Variants in PRPSAP2 observed in about 807,000 individuals in gnomAD.
PRPSAP2 encodes phosphoribosyl pyrophosphate synthetase associated protein 2.
PRPSAP2 carries 24 observed loss-of-function variants against 40.6 expected under a neutral mutation model. That is an observed-to-expected ratio of 0.59 (90% CI 0.43 to 0.83). The LOEUF (loss-of-function observed/expected upper bound fraction) is 0.83. PRPSAP2 is among the 40% of genes least tolerant of loss of function. The pLI is 0.00. For synonymous variants in PRPSAP2, 149 were observed against 164.7 expected, an observed-to-expected ratio of 0.90 and a Z score of 0.73; for missense variants, 292 against 465.6, an observed-to-expected ratio of 0.63 and a Z score of 3.43.
At chr17:18,908,491 C>T in intron 8 of PRPSAP2, 1 of 760,000 alleles carries the variant, frequency 1.3e-6, no homozygotes, top group South Asian at 1.4e-5. Flanking sequence ...CCGGCAACGT[C>T]AAGCTCCTGA....
chr17:18,882,450 GC>G, intron 6 of PRPSAP2, 117 bp from the exon 7 acceptor site: 1 of 684,634 alleles, frequency 1.5e-6, no homozygotes, highest in Non-Finnish European at 2.6e-6. Context: ...GTTCAAGGCT[GC>G]AGTTAGCTAT....
At chr17:18,891,496 A>G (rs1179924024) in intron 8 of PRPSAP2, among the ~76,000 whole-genome samples, 4 of 152,254 alleles carry the variant, frequency 2.6e-5, no homozygotes, top group Non-Finnish European at 5.9e-5. Context: ...TAAACATTTC[A>G]AATAGCTTTT....
At chr17:18,918,837 A>G (rs2041520011) in intron 9 of PRPSAP2, among the ~76,000 whole-genome samples, 1 of 152,226 alleles carries the variant, frequency 6.6e-6, no homozygotes, top group Non-Finnish European at 1.5e-5. Flanking sequence ...TAATGTAAGT[A>G]TCTCATTAGT....
rs751551864 is a variant in PRPSAP2, at chr17:18,923,945, G to A, written c.765G>A (p.Thr255=). The part of the protein sequence containing the change: ...MLIPKEKPPI[T]VVGDVGGRIA... ...TTCCTAAAGAAAAGCCCCCAATCAC[G>A]GTTGTGGGTGATGTTGGAGGAAGGA... The change falls in exon 10 of 12, where the codon ACG becomes ACA. Residue 255 remains threonine (T), a synonymous_variant. Transcript: ENST00000268835. 3.7e-6 allele frequency: 6 copies of A among 1,613,590 alleles called. No individual in the cohort carries two copies. Among genetic ancestry groups the A allele is most frequent in the East Asian group, 2.2e-5 (1 of 44,900 alleles).
intron 6 of PRPSAP2, 112 bp downstream of exon 6, chr17:18,877,982 C>T (rs1158999706): frequency 5.9e-6 from 7 of 1,184,218 alleles, no homozygotes; most frequent in Non-Finnish European, 7.0e-6. Flanking sequence ...AGTGTAGTGG[C>T]GTGATCATAG....
chr17:18,891,509 A>G lies in PRPSAP2; in HGVS notation c.584+1632A>G, dbSNP rs532260516. On this transcript the variant is annotated intron_variant, in intron 8 of 11. Transcript: ENST00000268835. ...TGTAAACATTTCAAATAGCTTTTCC[A>G]AACATTTCTTCAAAGGCTGAATTAA... Among the ~76,000 whole-genome samples the G allele has an allele frequency of 2.0e-5, 3 of 152,378 alleles. No individual in the cohort carries two copies. The East Asian group carries it at 5.8e-4, about 29-fold the overall frequency.
At chr17:18,922,668 ATTTTTTT>A (rs57263191) in intron 9 of PRPSAP2, among the ~76,000 whole-genome samples, 16 of 89,824 alleles carry the variant, frequency 1.8e-4, no homozygotes, top group South Asian at 3.7e-4. Context: ...TATATATATA[ATTTTTTT>A]TTTTTTTTTT....
At chr17:18,892,766 G>A (rs1296159839) in intron 8 of PRPSAP2, among the ~76,000 whole-genome samples, 4 of 116,918 alleles carry the variant, frequency 3.4e-5, no homozygotes, top group East Asian at 2.5e-4. Context: ...ACAGAGTCTC[G>A]CTCTGTCACC....
intron 7 of PRPSAP2, among the ~76,000 whole-genome samples, chr17:18,886,929 CTTTTTTTTTTTTTT>C (rs71155365): frequency 2.7e-5 from 2 of 75,384 alleles, no homozygotes; most frequent in Non-Finnish European, 4.8e-5. Context: ...TTCTTTTCTT[CTTTTTTTTTTTTTT>C]TTTTTTTTTT....
intron 8 of PRPSAP2, 129 bp from the exon 9 acceptor site, chr17:18,910,974 A>T (rs549581358): frequency 7.8e-6 from 9 of 1,147,004 alleles, no homozygotes; most frequent in Non-Finnish European, 8.1e-6. Context: ...AGGCTGTTTT[A>T]TTCTCTCTTT....
At chr17:18,916,498 C>G (rs2151961122) in intron 9 of PRPSAP2, among the ~76,000 whole-genome samples, 1 of 151,990 alleles carries the variant, frequency 6.6e-6, no homozygotes, top group East Asian at 1.9e-4. Context: ...TCTCCTGCCT[C>G]AGCCTCCTGA....
chr17:18,924,240 A>G (rs1046742692), intron 10 of PRPSAP2, among the ~76,000 whole-genome samples: 12 of 152,090 alleles, frequency 7.9e-5, no homozygotes, highest in Non-Finnish European at 1.8e-4. Flanking sequence ...GGGTTTCACC[A>G]TGTTGGCCAG....
chr17:18,899,647 G>A (rs927520522), intron 8 of PRPSAP2, among the ~76,000 whole-genome samples: 10 of 139,734 alleles, frequency 7.2e-5, no homozygotes, highest in East Asian at 4.6e-4. Context: ...TCCCACATCC[G>A]CCTCCCAAGA....
chr17:18,918,366 G>A (rs1260119958), intron 9 of PRPSAP2, among the ~76,000 whole-genome samples: 3 of 152,200 alleles, frequency 2.0e-5, no homozygotes, highest in Non-Finnish European at 2.9e-5. Flanking sequence ...GAGCCCTCAG[G>A]ACCCAGCACT....
Position 18,865,828 on chromosome 17 carries a change from GT to G in PRPSAP2, c.-2del. On this transcript the variant is annotated 5_prime_UTR_variant, in exon 3 of 12. Transcript: ENST00000268835. ...CTCTGAAAATTGGAAAACCAAGAAG[GT>G]TTTGATGTTTTGTGTGACGCCACCT... The G allele has an allele frequency of 6.7e-7, 1 of 1,484,214 alleles. No homozygotes were observed. Among genetic ancestry groups the G allele is most frequent in the Non-Finnish European group, 9.1e-7 (1 of 1,102,830 alleles). The allele number at this position is 1,484,214 out of a possible 1,614,324, so 91.9% of individuals were successfully genotyped here.
At position 18,888,745 on chromosome 17, in the gene PRPSAP2, G is replaced by T. The variant is rs1431905080; in HGVS notation, c.529-1077G>T. The stretch of plus-strand genomic sequence containing the variant: ...CCTCCCGGACGGGGCGGCTGGCCGG[G>T]CGGGGGGCTGACCCCCCCACCTCCC... On this transcript the variant is annotated intron_variant, in intron 7 of 11. Transcript: ENST00000268835. Among the ~76,000 whole-genome samples, 4 of 47,004 alleles carry T rather than the reference G, an allele frequency of 8.5e-5. 1 individual carries two copies. Among genetic ancestry groups the T allele is most frequent in the Admixed American group, 1.8e-4 (1 of 5,520 alleles). The allele number at this position is 47,004 out of a possible 152,430, so 30.8% of individuals were successfully genotyped here.
intron 1 of PRPSAP2, among the ~76,000 whole-genome samples, chr17:18,863,098 G>T (rs1051651393): frequency 1.3e-5 from 2 of 151,948 alleles, no homozygotes; most frequent in African/African-American, 2.4e-5. Context: ...GGGATTACAG[G>T]CATGAGCCAC....
At chr17:18,901,827 G>T (rs1421405561) in intron 8 of PRPSAP2, among the ~76,000 whole-genome samples, 1 of 152,072 alleles carries the variant, frequency 6.6e-6, no homozygotes, top group Non-Finnish European at 1.5e-5. Context: ...TGTCATCCAG[G>T]CTGGAGTGCA....
At chr17:18,928,606 G>T (rs1479040525) in intron 10 of PRPSAP2, 2 of 591,216 alleles carry the variant, frequency 3.4e-6, no homozygotes, top group East Asian at 6.9e-5. Context: ...GGCAGGTGCT[G>T]TGCAGGAAGA....
Sources: allele counts gnomAD v4.1 joint callset (sites outside exome capture counted in the v4.1 genomes callset), GRCh38; gene constraint gnomAD v4.1.1; transcripts MANE v1.5; gene names NCBI Gene and HGNC (gene_info 2026-07-23, HGNC 2026-07-21).